RNF180: variants seen among roughly 807,000 people sequenced by gnomAD.
RNF180 encodes E3 ubiquitin-protein ligase RNF180.
Under a neutral mutation model 59.2 loss-of-function variants are expected in RNF180, and 38 were observed. That is an observed-to-expected ratio of 0.64 (90% CI 0.50 to 0.84). RNF180 has a LOEUF of 0.84. Ranked by LOEUF, RNF180 falls within the 40% of genes least tolerant of loss-of-function variation. RNF180 has a pLI of 0.00. For synonymous variants in RNF180, 262 were observed against 240.3 expected, an observed-to-expected ratio of 1.09 and a Z score of -0.84; for missense variants, 705 against 700.9, an observed-to-expected ratio of 1.01 and a Z score of -0.07.
chr5:64,192,679 A>G (rs575351159), intron 1 of RNF180, among the ~76,000 whole-genome samples: 41 of 151,912 alleles, frequency 2.7e-4, no homozygotes, highest in Non-Finnish European at 5.0e-4. Context: ...CTCAAAAAAC[A>G]AACAAACAAA....
chr5:64,187,474 A>G (rs1750929406), intron 1 of RNF180, among the ~76,000 whole-genome samples: 1 of 152,208 alleles, frequency 6.6e-6, no homozygotes, highest in African/African-American at 2.4e-5. Flanking sequence ...AGTTGATTTT[A>G]TCATGTTCAA....
intron 5 of RNF180, among the ~76,000 whole-genome samples, chr5:64,221,702 A>C (rs577174962): frequency 6.6e-5 from 10 of 152,322 alleles, no homozygotes; most frequent in African/African-American, 2.2e-4. Flanking sequence ...CCTTTACCTG[A>C]AGTAATTATA....
intron 1 of RNF180, among the ~76,000 whole-genome samples, chr5:64,184,712 G>GT (rs1157026172): frequency 6.6e-6 from 1 of 152,136 alleles, no homozygotes; most frequent in African/African-American, 2.4e-5. Context: ...TTTATATAAA[G>GT]TATCCCTGGG....
At chr5:64,311,014 A>T (rs1743738018) in intron 5 of RNF180, among the ~76,000 whole-genome samples, 1 of 151,916 alleles carries the variant, frequency 6.6e-6, no homozygotes, top group Admixed American at 6.6e-5. Flanking sequence ...ACTTTTTATC[A>T]CTTTCAGACT....
At chr5:64,212,805 A>G (rs889534384) in intron 3 of RNF180, among the ~76,000 whole-genome samples, 3 of 152,210 alleles carry the variant, frequency 2.0e-5, no homozygotes, top group African/African-American at 7.2e-5. Context: ...AATTATAAGT[A>G]GTAGGACTTT....
intron 5 of RNF180, among the ~76,000 whole-genome samples, chr5:64,252,998 G>A (rs1487125814): frequency 6.6e-6 from 1 of 151,906 alleles, no homozygotes; most frequent in Non-Finnish European, 1.5e-5. Flanking sequence ...GATCAAGGAT[G>A]GGATAAAGGA....
chr5:64,205,660 A>G lies in RNF180; in HGVS notation c.135+4718A>G, dbSNP rs574119362. Among the ~76,000 whole-genome samples, 15 of 152,324 alleles carry G rather than the reference A, an allele frequency of 9.8e-5. 2 individuals carry two copies. Among genetic ancestry groups the G allele is most frequent in the African/African-American group, 3.6e-4 (15 of 41,576 alleles). On this transcript the variant is annotated intron_variant, in intron 2 of 7. Transcript: ENST00000389100. ...AACTAAAACTGTGGATCATCAGCATATAAGTTTTAGGTGAAGCTGTGAGAG... is the reference window on the plus strand; with the variant it reads ...AACTAAAACTGTGGATCATCAGCATGTAAGTTTTAGGTGAAGCTGTGAGAG...
At chr5:64,320,963 G>A (rs1040116163) in intron 5 of RNF180, among the ~76,000 whole-genome samples, 1 of 152,182 alleles carries the variant, frequency 6.6e-6, no homozygotes, top group African/African-American at 2.4e-5. Flanking sequence ...GCATGAACCC[G>A]GGAGGCGGAG....
At chr5:64,170,967 T>C (rs1749905434) in intron 1 of RNF180, among the ~76,000 whole-genome samples, 1 of 152,230 alleles carries the variant, frequency 6.6e-6, no homozygotes, top group African/African-American at 2.4e-5. Flanking sequence ...TGATAACTTT[T>C]GGCATAGTGC....
intron 1 of RNF180, among the ~76,000 whole-genome samples, chr5:64,186,589 A>G (rs1750885380): frequency 6.6e-6 from 1 of 152,170 alleles, no homozygotes. Flanking sequence ...CTGGGACAAA[A>G]TAATAGTTTC....
At chr5:64,361,833 T>C (rs1746264343) in intron 7 of RNF180, among the ~76,000 whole-genome samples, 2 of 151,412 alleles carry the variant, frequency 1.3e-5, no homozygotes, top group Non-Finnish European at 3.0e-5. Flanking sequence ...TTAAAATATA[T>C]ACATTGACTA....
At chr5:64,273,533 G>A (rs1421493985) in intron 5 of RNF180, among the ~76,000 whole-genome samples, 1 of 151,854 alleles carries the variant, frequency 6.6e-6, no homozygotes, top group Non-Finnish European at 1.5e-5. Context: ...TAGGAGAAAA[G>A]AATGTTGTAT....
chr5:64,243,725 A>G (rs1742970240), intron 5 of RNF180, among the ~76,000 whole-genome samples: 1 of 152,272 alleles, frequency 6.6e-6, no homozygotes, highest in African/African-American at 2.4e-5. Context: ...CTCCCATCAC[A>G]GTGCTCAAGC....
intron 7 of RNF180, among the ~76,000 whole-genome samples, chr5:64,343,250 T>C (rs1303109774): frequency 6.6e-6 from 1 of 151,510 alleles, no homozygotes; most frequent in Admixed American, 6.6e-5. Context: ...AAAGAATAGA[T>C]AAAAAGGTAA....
upstream of RNF180, among the ~76,000 whole-genome samples, chr5:64,165,651 G>A (rs1749581992): frequency 6.6e-6 from 1 of 152,194 alleles, no homozygotes; most frequent in Non-Finnish European, 1.5e-5. Flanking sequence ...GCGCTTGTCT[G>A]CCTGCGCGGG....
chr5:64,365,538 T>C (rs1299674483), intron 7 of RNF180, among the ~76,000 whole-genome samples: 1 of 151,646 alleles, frequency 6.6e-6, no homozygotes, highest in Non-Finnish European at 1.5e-5. Flanking sequence ...CCGAATATCT[T>C]TGTTAATTTC....
At chr5:64,265,056 A>G (rs565032452) in intron 5 of RNF180, among the ~76,000 whole-genome samples, 2 of 152,106 alleles carry the variant, frequency 1.3e-5, no homozygotes, top group Admixed American at 1.3e-4. Flanking sequence ...TGTCCTTCGC[A>G]TACTTTTTGA....
intron 5 of RNF180, among the ~76,000 whole-genome samples, chr5:64,231,465 A>G (rs1337886319): frequency 6.6e-6 from 1 of 152,244 alleles, no homozygotes; most frequent in East Asian, 1.9e-4. Context: ...CTCTTTATTT[A>G]TCCTCAAATG....
intron 5 of RNF180, among the ~76,000 whole-genome samples, chr5:64,253,999 C>G (rs966677150): frequency 6.6e-6 from 1 of 152,112 alleles, no homozygotes; most frequent in Non-Finnish European, 1.5e-5. Flanking sequence ...GGTGGACCCT[C>G]TCTTCTCTAA....
Sources: allele counts gnomAD v4.1 joint callset (sites outside exome capture counted in the v4.1 genomes callset), GRCh38; gene constraint gnomAD v4.1.1; transcripts MANE v1.5; gene names NCBI Gene and HGNC (gene_info 2026-07-23, HGNC 2026-07-21).